LSAMP: variants seen among roughly 807,000 people sequenced by gnomAD.
LSAMP encodes the protein limbic system associated membrane protein, also known as limbic system-associated membrane protein.
Under a neutral mutation model 38.6 loss-of-function variants are expected in LSAMP, and 7 were observed. That is an observed-to-expected ratio of 0.18 (90% CI 0.10 to 0.34). The LOEUF is 0.34. Among genes scored for constraint, LSAMP ranks in the 10% least tolerant of loss-of-function variants. LSAMP has a pLI of 1.00. For synonymous variants in LSAMP, 154 were observed against 166.8 expected (o/e 0.92, Z 0.59); for missense variants, 313 against 420.0 (o/e 0.75, Z 2.23).
chr3:116,241,719 T>C (rs762875627), intron 1 of LSAMP, among the ~76,000 whole-genome samples: 1 of 152,242 alleles, frequency 6.6e-6, no homozygotes, highest in African/African-American at 2.4e-5. Context: ...GCTAGCCATA[T>C]ACTTAAGGTC....
rs978960514 is a variant in LSAMP at position 115,807,061 on chromosome 3, A to G, written c.*3256T>C. 6.6e-6 allele frequency: 1 copy of G among 152,204 alleles called. No homozygotes were observed. The highest frequency in any genetic ancestry group is 2.4e-5 in the African/African-American group (1 of 41,456). 9.4% of individuals were successfully genotyped at this position (152,204 alleles called of 1,614,324 possible). A position where few individuals can be genotyped will look rare whatever the true frequency, so the allele number is the denominator to read the frequency against. ...ATTGATGAATTTCACTCCTCTCAGT[A>G]TATTATTTCCAACCAGTTGGTGCTT... On this transcript the variant is annotated 3_prime_UTR_variant, in exon 7 of 7. Transcript: ENST00000490035.
chr3:116,265,249 T>C (rs955540436), intron 1 of LSAMP, among the ~76,000 whole-genome samples: 14 of 152,186 alleles, frequency 9.2e-5, no homozygotes, highest in Admixed American at 6.5e-5. Context: ...AAAGGGTCAC[T>C]TAGAGAGAGG....
chr3:116,030,475 T>C (rs1020465935), intron 2 of LSAMP, among the ~76,000 whole-genome samples: 3 of 152,192 alleles, frequency 2.0e-5, no homozygotes, highest in South Asian at 2.1e-4. Context: ...TGGATATTTG[T>C]TTTTGCTAAT....
intron 1 of LSAMP, among the ~76,000 whole-genome samples, chr3:116,427,348 C>G (rs1259947919): frequency 6.6e-6 from 1 of 151,596 alleles, no homozygotes; most frequent in East Asian, 2.0e-4. Flanking sequence ...TCTCGATCTC[C>G]TGACCTCATG....
chr3:116,273,570 G>C (rs1053268422), intron 1 of LSAMP, among the ~76,000 whole-genome samples: 3 of 150,232 alleles, frequency 2.0e-5, no homozygotes, highest in Non-Finnish European at 3.0e-5. Flanking sequence ...ATCTACTTTA[G>C]AATATGGAAT....
intron 2 of LSAMP, among the ~76,000 whole-genome samples, chr3:116,049,649 A>C (rs573317065): frequency 1.3e-5 from 2 of 152,314 alleles, no homozygotes; most frequent in African/African-American, 4.8e-5. Flanking sequence ...GACGCTACCC[A>C]TATGTTCCTG....
intron 1 of LSAMP, among the ~76,000 whole-genome samples, chr3:116,291,541 C>CTAAT (rs2047267822): frequency 6.6e-6 from 1 of 152,236 alleles, no homozygotes; most frequent in Non-Finnish European, 1.5e-5. Context: ...ATGTTTTGTT[C>CTAAT]TAATTATTAG....
At chr3:116,017,827 T>C (rs1298159327) in intron 3 of LSAMP, among the ~76,000 whole-genome samples, 1 of 152,162 alleles carries the variant, frequency 6.6e-6, no homozygotes, top group Non-Finnish European at 1.5e-5. Context: ...ATTATAACAT[T>C]ACAGTAAACA....
chr3:116,266,903 A>G (rs2046899644), intron 1 of LSAMP, among the ~76,000 whole-genome samples: 1 of 152,212 alleles, frequency 6.6e-6, no homozygotes, highest in Admixed American at 6.5e-5. Context: ...AACACTAACA[A>G]TATTAATAAC....
Position 116,272,390 on chromosome 3 carries a change from T to C in LSAMP, c.155+172487A>G, listed in dbSNP as rs145412156. Among the ~76,000 whole-genome samples, 8 of 152,272 alleles carry C rather than the reference T, an allele frequency of 5.3e-5. No homozygotes were observed. The East Asian group carries it at 1.4e-3, about 26-fold the overall frequency. ...GGCAAGATAAGTTTCATTCATTGTT[T>C]GATAGAAAGGCCATCTTATTGCACT... On this transcript the variant is annotated intron_variant, in intron 1 of 6. Transcript: ENST00000490035.
intron 1 of LSAMP, among the ~76,000 whole-genome samples, chr3:116,091,794 C>T (rs775397572): frequency 2.0e-5 from 3 of 152,168 alleles, no homozygotes; most frequent in Non-Finnish European, 4.4e-5. Flanking sequence ...TTAGAAAGAA[C>T]CGGACCCTAA....
At chr3:116,189,186 A>T (rs181423959) in intron 1 of LSAMP, among the ~76,000 whole-genome samples, 4 of 152,338 alleles carry the variant, frequency 2.6e-5, no homozygotes, top group Admixed American at 1.3e-4. Context: ...CACTCTGAGG[A>T]GGGGACATTT....
Position 115,804,588 on chromosome 3 carries a change from TC to T in LSAMP, c.*5728del, listed in dbSNP as rs1933588825. ...CCTTAAAACTCCTTCCTGTTTTTTT[TC>T]TTTTTTTTTCTCTTAGGTAGATTAG... On this transcript the variant is annotated 3_prime_UTR_variant, in exon 7 of 7. Coordinates refer to ENST00000490035, the MANE Select transcript of LSAMP (RefSeq NM_002338.5). The T allele has an allele frequency of 6.6e-6, 1 of 152,100 alleles. No homozygotes were observed. The highest frequency in any genetic ancestry group is 2.4e-5 in the African/African-American group (1 of 41,468). 9.4% of individuals were successfully genotyped at this position (152,100 alleles called of 1,614,324 possible).
intron 1 of LSAMP, among the ~76,000 whole-genome samples, chr3:116,240,357 C>A (rs908377956): frequency 6.6e-6 from 1 of 152,128 alleles, no homozygotes; most frequent in Non-Finnish European, 1.5e-5. Flanking sequence ...AAAAATAAAA[C>A]CTTGGCAGTC....
rs61472552 is a variant in LSAMP, at chr3:116,366,460, A to G, written c.155+78417T>C. Among the ~76,000 whole-genome samples, 471 of 152,296 alleles carry G rather than the reference A, an allele frequency of 3.1e-3. 4 individuals are homozygous for G. Among genetic ancestry groups the G allele is most frequent in the African/African-American group, 0.011 (442 of 41,558 alleles). ...CCAAGCATAGGTATAGTCTTTTGAC[A>G]CTGATTACTTTTAATGGCCATCCAT... On this transcript the variant is annotated intron_variant, in intron 1 of 6. Coordinates refer to ENST00000490035, the MANE Select transcript of LSAMP (RefSeq NM_002338.5).
chr3:115,991,888 A>C (rs1424199614), intron 3 of LSAMP, among the ~76,000 whole-genome samples: 1 of 152,068 alleles, frequency 6.6e-6, no homozygotes, highest in Non-Finnish European at 1.5e-5. Context: ...GGCAGGAATA[A>C]GGCCATGCCA....
At chr3:116,247,659 T>A (rs2046621594) in intron 1 of LSAMP, among the ~76,000 whole-genome samples, 1 of 152,190 alleles carries the variant, frequency 6.6e-6, no homozygotes, top group African/African-American at 2.4e-5. Context: ...AGTCTTTCTG[T>A]GGATGAAAAC....
At position 116,135,171 on chromosome 3, in the gene LSAMP, T is replaced by G. The variant is rs562366449; in HGVS notation, c.156-48615A>C. Reference sequence around the variant, plus strand: ...TCTCACAGCTCATAAATGGCAACACTAGGATTCAAATCTAACTCTGACACT... The same window carrying G: ...TCTCACAGCTCATAAATGGCAACACGAGGATTCAAATCTAACTCTGACACT... On this transcript the variant is annotated intron_variant, in intron 1 of 6. Coordinates refer to ENST00000490035, the MANE Select transcript of LSAMP (RefSeq NM_002338.5). Among the ~76,000 whole-genome samples, 435 of 152,296 alleles carry G rather than the reference T, an allele frequency of 2.9e-3. 4 individuals carry two copies. The highest frequency in any genetic ancestry group is 4.6e-3 in the Admixed American group (71 of 15,282).
intron 1 of LSAMP, among the ~76,000 whole-genome samples, chr3:116,204,460 A>C (rs1295112607): frequency 4.6e-5 from 7 of 152,002 alleles, no homozygotes; most frequent in African/African-American, 1.7e-4. Flanking sequence ...GGTGTTTTAG[A>C]CATGAAGTCC....
Sources: gnomAD v4.1 joint callset for allele counts (sites outside exome capture counted in the v4.1 genomes callset) on GRCh38, gnomAD v4.1.1 for gene constraint, MANE v1.5 for transcripts, NCBI Gene and HGNC (gene_info 2026-07-23, HGNC 2026-07-21) for gene names.